The following RIPOR3 variants were observed in gnomAD, a reference collection of about 807,000 sequenced individuals.
RIPOR3 encodes the protein RIPOR family member 3, also known as family with sequence similarity 65 member C.
A neutral mutation model predicts 114.3 loss-of-function variants in RIPOR3; 95 were observed. That is an observed-to-expected ratio of 0.83 (90% confidence interval 0.70 to 0.99). RIPOR3 has a LOEUF of 0.99. RIPOR3 is among the 50% of genes least tolerant of loss of function. The pLI, the probability that RIPOR3 is intolerant of heterozygous loss-of-function variation, is 0.00. For synonymous variants in RIPOR3, 575 were observed against 543.8 expected (o/e 1.06, Z -0.80); for missense variants, 1,252 against 1,266.9 (o/e 0.99, Z 0.18).
chr20:50,632,905 C>T (rs1263783067), intron 1 of RIPOR3, among the ~76,000 whole-genome samples: 2 of 152,182 alleles, frequency 1.3e-5, no homozygotes, highest in Non-Finnish European at 2.9e-5. Flanking sequence ...CTTGCCCCTG[C>T]CCCCATAAAG....
chr20:50,687,286 G>A (rs990625731), intron 1 of RIPOR3, among the ~76,000 whole-genome samples: 3 of 152,234 alleles, frequency 2.0e-5, no homozygotes, highest in South Asian at 2.1e-4. Flanking sequence ...TACTCCACCC[G>A]ATCTCTCTGC....
chr20:50,604,819 GC>G, intron 11 of RIPOR3, 45 bp from the exon 12 acceptor site: 1 of 1,594,040 alleles, frequency 6.3e-7, no homozygotes, highest in Non-Finnish European at 8.5e-7. Flanking sequence ...GCACCCAGAG[GC>G]CATTTCAGGC....
At chr20:50,678,767 G>T (rs937410808) in intron 1 of RIPOR3, among the ~76,000 whole-genome samples, 2 of 152,114 alleles carry the variant, frequency 1.3e-5, no homozygotes, top group Non-Finnish European at 2.9e-5. Flanking sequence ...CTCCTTGCAA[G>T]TGCTTTGCAT....
chr20:50,640,262 C>G (rs2085140531), intron 1 of RIPOR3, among the ~76,000 whole-genome samples: 2 of 151,956 alleles, frequency 1.3e-5, no homozygotes, highest in Admixed American at 6.6e-5. Flanking sequence ...GTGCACAAAG[C>G]CTGTAGGTCT....
chr20:50,628,454 G>A (rs1214071792), intron 2 of RIPOR3, among the ~76,000 whole-genome samples: 1 of 152,032 alleles, frequency 6.6e-6, no homozygotes, highest in Non-Finnish European at 1.5e-5. Context: ...TTCCCACCCA[G>A]GACATCTGCA....
At chr20:50,660,741 G>C (rs999853927) in intron 1 of RIPOR3, among the ~76,000 whole-genome samples, 2 of 147,182 alleles carry the variant, frequency 1.4e-5, no homozygotes, top group African/African-American at 5.0e-5. Context: ...GGGTTTTCTG[G>C]GATTTACCTT....
At chr20:50,676,318 G>A (rs7274893) in intron 1 of RIPOR3, among the ~76,000 whole-genome samples, 101,818 of 151,792 alleles carry the variant, frequency 0.67, 35,401 homozygotes, top group Non-Finnish European at 0.75. Context: ...GTGGGATGAG[G>A]CCCATCATCT....
At chr20:50,682,274 T>G (rs1284196315) in intron 1 of RIPOR3, among the ~76,000 whole-genome samples, 1 of 152,202 alleles carries the variant, frequency 6.6e-6, no homozygotes, top group Non-Finnish European at 1.5e-5. Context: ...TGATAAGCAA[T>G]TATATCAACG....
At chr20:50,650,894 T>C (rs1205305884) in intron 1 of RIPOR3, among the ~76,000 whole-genome samples, 1 of 152,180 alleles carries the variant, frequency 6.6e-6, no homozygotes, top group Non-Finnish European at 1.5e-5. Flanking sequence ...CTGCCATGGT[T>C]ACCTTATATG....
intron 1 of RIPOR3, among the ~76,000 whole-genome samples, chr20:50,639,687 C>A (rs1332702574): frequency 6.6e-5 from 10 of 152,188 alleles, no homozygotes; most frequent in Admixed American, 1.3e-4. Context: ...TGGGCAACAC[C>A]ATGAGCCAAA....
Position 50,595,466 on chromosome 20 carries a change from T to G in RIPOR3, c.1953A>C (p.Glu651Asp). The change falls in exon 16 of 22, where the codon GAA becomes GAC. Residue 651 changes from glutamate to aspartate, a missense_variant. By Grantham distance (45) the Glu-to-Asp change is conservative (BLOSUM62 2). Transcript: ENST00000327979. ...GCTGTGCCACTTCTTCCAGGAGGCA[T>G]TCCTGGACCAGCCTTGATAAATTAG... ...ASPNLSRLVQ[E>D]CLLEEVAQQK... 1 of 1,614,170 alleles carries G rather than the reference T, an allele frequency of 6.2e-7. No homozygotes were observed. The highest frequency in any genetic ancestry group is 8.5e-7 in the Non-Finnish European group (1 of 1,180,012).
At chr20:50,641,941 G>A (rs1408371205) in intron 1 of RIPOR3, among the ~76,000 whole-genome samples, 3 of 152,078 alleles carry the variant, frequency 2.0e-5, no homozygotes, top group East Asian at 3.9e-4. Flanking sequence ...AATGGTCTGG[G>A]GGGTAAGGGT....
intron 2 of RIPOR3, among the ~76,000 whole-genome samples, chr20:50,624,571 G>A (rs533478883): frequency 1.8e-4 from 27 of 152,210 alleles, no homozygotes; most frequent in Non-Finnish European, 2.6e-4. Flanking sequence ...CCGCCCACCC[G>A]GGGAAGGTGA....
intron 18 of RIPOR3, 116 bp from the exon 19 acceptor site, chr20:50,592,662 G>A: frequency 2.1e-6 from 2 of 962,250 alleles, no homozygotes; most frequent in Non-Finnish European, 1.4e-6. Flanking sequence ...AGACCCACCG[G>A]GATGATCACC....
chr20:50,679,216 A>AAT (rs1291716140), intron 1 of RIPOR3, among the ~76,000 whole-genome samples: 6 of 145,598 alleles, frequency 4.1e-5, no homozygotes, highest in African/African-American at 7.5e-5. Flanking sequence ...TACCTCAAAA[A>AAT]ATATATATAT....
chr20:50,604,845 G>C, intron 11 of RIPOR3, 71 bp from the exon 12 acceptor site: 2 of 1,564,882 alleles, frequency 1.3e-6, no homozygotes, highest in Non-Finnish European at 1.7e-6. Context: ...ACGGCCCACA[G>C]GGCTCTTAGG....
chr20:50,592,970 A>G, intron 18 of RIPOR3, 65 bp downstream of exon 18: 1 of 1,575,758 alleles, frequency 6.3e-7, no homozygotes, highest in Non-Finnish European at 8.6e-7. Context: ...ATAACCTGAG[A>G]AACTGCATGT....
intron 13 of RIPOR3, among the ~76,000 whole-genome samples, chr20:50,601,070 A>G (rs746926380): frequency 6.6e-6 from 1 of 152,226 alleles, no homozygotes; most frequent in African/African-American, 2.4e-5. Context: ...GTCTGAGGGC[A>G]TAAGGACCGA....
In RIPOR3 at chr20:50,602,085, C is replaced by G. The variant is rs761448115; in HGVS notation, c.1646G>C (p.Arg549Pro). Residue 549 changes from arginine to proline, a missense_variant, in exon 13 of 22, where the codon CGG becomes CCG. By Grantham distance (103) the Arg-to-Pro change is moderately radical. Coordinates refer to ENST00000327979, the MANE Select transcript of RIPOR3 (RefSeq NM_001290268.2). The surrounding 1 kb of genome is among the most constrained non-coding windows in gnomAD (Gnocchi z 4.3). Reference sequence around the variant, plus strand: ...GGGTGGCCATACCTTCAGCCGGTCCCGGAAGCCGAGGACCTGGTACTCCAG... The same window carrying G: ...GGGTGGCCATACCTTCAGCCGGTCCGGGAAGCCGAGGACCTGGTACTCCAG... ...RELEYQVLGF[R>P]DRLKPCRARQ... 1.9e-6 allele frequency: 3 copies of G among 1,570,518 alleles called. No individual in the cohort carries two copies. The South Asian group carries it at 3.5e-5, about 18-fold the overall frequency.
Sources: allele counts gnomAD v4.1 joint callset (sites outside exome capture counted in the v4.1 genomes callset), GRCh38; gene constraint gnomAD v4.1.1; non-coding constraint Gnocchi (gnomAD v3.1); transcripts MANE v1.5; gene names NCBI Gene and HGNC (gene_info 2026-07-23, HGNC 2026-07-21).